The following TBC1D8B variants were observed in gnomAD, a reference collection of about 807,000 sequenced individuals.
TBC1D8B encodes the protein RP11-321G1.1.
In TBC1D8B, 75 loss-of-function variants were observed where a neutral mutation model predicts 82.9. The ratio of observed to expected loss-of-function variants is 0.90; its 90% CI spans 0.75 to 1.10. TBC1D8B has a LOEUF of 1.10. Among genes scored for constraint, TBC1D8B ranks in the 50% least tolerant of loss-of-function variants. The pLI, the probability that TBC1D8B is intolerant of heterozygous loss-of-function variation, is 0.00. For synonymous variants in TBC1D8B, 276 were observed against 276.8 expected (o/e 1.00, Z 0.03); for missense variants, 794 against 796.9 (o/e 1.00, Z 0.04).
intron 14 of TBC1D8B, among the ~76,000 whole-genome samples, chrX:106,863,092 G>T (rs763316928): frequency 3.6e-4 from 40 of 111,843 alleles, no homozygotes; most frequent in Admixed American, 3.4e-3. Context: ...ATGCTTGCTC[G>T]TGCATGCCAG....
chrX:106,822,229 G>T (rs1931716564), intron 4 of TBC1D8B, 27 bp downstream of exon 4: 1 of 1,121,107 alleles, frequency 8.9e-7, no homozygotes, highest in East Asian at 3.0e-5. Flanking sequence ...GCTTACTATG[G>T]CCTTGAATTT....
chrX:106,820,927 A>AT lies in TBC1D8B; in HGVS notation c.294dup (p.Met99TyrfsTer8). The AT allele has an allele frequency of 8.4e-7, 1 of 1,191,963 alleles. No homozygotes were observed. The highest frequency in any genetic ancestry group is 1.1e-6 in the Non-Finnish European group (1 of 886,325). On this transcript the variant is annotated frameshift_variant, in exon 3 of 21. Transcript: ENST00000357242. LOFTEE classifies it high-confidence loss of function. ...GCATTGGGATTGGTTGGAACAAAATATTATGAAGACCTTATCTGTATTTGA... is the reference window on the plus strand; with the variant it reads ...GCATTGGGATTGGTTGGAACAAAATATTTATGAAGACCTTATCTGTATTTGA...
At chrX:106,870,254 C>A (rs1343120409) in intron 19 of TBC1D8B, among the ~76,000 whole-genome samples, 1 of 112,154 alleles carries the variant, frequency 8.9e-6, no homozygotes, top group Non-Finnish European at 1.9e-5. Flanking sequence ...TGATCTCGAA[C>A]TCCTGGCCTC....
At chrX:106,845,888 A>G (rs1932431678) in intron 10 of TBC1D8B, among the ~76,000 whole-genome samples, 1 of 110,338 alleles carries the variant, frequency 9.1e-6, no homozygotes, top group Non-Finnish European at 1.9e-5. Flanking sequence ...TGTTTACACC[A>G]GAGGAGCTCT....
intron 14 of TBC1D8B, among the ~76,000 whole-genome samples, chrX:106,857,119 T>C (rs1264334268): frequency 9.0e-6 from 1 of 111,683 alleles, no homozygotes; most frequent in Non-Finnish European, 1.9e-5. Flanking sequence ...CAGAGAATTA[T>C]TGAATAATAG....
At chrX:106,839,485 G>C in intron 8 of TBC1D8B, 28 bp downstream of exon 8, 2 of 1,095,865 alleles carry the variant, frequency 1.8e-6, no homozygotes, top group Non-Finnish European at 2.4e-6. Flanking sequence ...TTAAACCTAT[G>C]GGCTGAAACA....
At chrX:106,804,852 G>A (rs1174776125) in intron 1 of TBC1D8B, among the ~76,000 whole-genome samples, 4 of 109,652 alleles carry the variant, frequency 3.6e-5, no homozygotes, top group Non-Finnish European at 5.7e-5. Flanking sequence ...TAGGGCCACT[G>A]CACTCCAGCC....
chrX:106,865,564 T>G lies in TBC1D8B; in HGVS notation c.2358T>G (p.Arg786=). The G allele has an allele frequency of 8.4e-7, 1 of 1,197,090 alleles. No homozygotes were observed. Among genetic ancestry groups the G allele is most frequent in the Non-Finnish European group, 1.1e-6 (1 of 887,667 alleles). Reference sequence around the variant, plus strand: ...TGCTTTTAATCTTTTTAAAGTTGCGTGTTGTATCACAAGATGTGAAATTGA... The same window carrying G: ...TGCTTTTAATCTTTTTAAAGTTGCGGGTTGTATCACAAGATGTGAAATTGA... ...LEETTKQNVL[R]VVSQDVKLSL... is the part of the protein sequence containing the mutation. The change falls in exon 15 of 21, where the codon CGT becomes CGG. Residue 786 remains arginine, a synonymous_variant. Coordinates refer to ENST00000357242, the MANE Select transcript of TBC1D8B (RefSeq NM_017752.3).
In TBC1D8B at chrX:106,826,135, C is replaced by T; in HGVS notation, c.933C>T (p.Phe311=). 8.3e-7 allele frequency: 1 copy of T among 1,210,219 alleles called. No individual in the cohort carries two copies. Among genetic ancestry groups the T allele is most frequent in the Non-Finnish European group, 1.1e-6 (1 of 894,556 alleles). Residue 311 remains phenylalanine (F), a synonymous_variant, in exon 6 of 21, where the codon TTC becomes TTT. Transcript: ENST00000357242. The part of the protein sequence containing the change: ...EVHECFLWVP[F]SHFNTHGKMC... ...ATGAATGTTTCTTATGGGTACCATT[C>T]AGCCACTTCAATACTCATGGGAAAA...
intron 1 of TBC1D8B, chrX:106,815,563 G>T (rs1931518300): frequency 9.1e-6 from 1 of 110,384 alleles, no homozygotes; most frequent in South Asian, 3.9e-4. Flanking sequence ...CTTTAAAGTA[G>T]TTTTTTCCAA....
In TBC1D8B at chrX:106,868,411, C is replaced by G. The variant is rs756080874; in HGVS notation, c.2747C>G (p.Ser916Cys). The G allele has an allele frequency of 1.0e-6, 1 of 1,002,761 alleles. No individual in the cohort carries two copies. Among genetic ancestry groups the G allele is most frequent in the South Asian group, 4.4e-5 (1 of 22,955 alleles). The allele number at this position is 1,002,761 out of a possible 1,213,427, so 82.6% of individuals were successfully genotyped here. The change falls in exon 18 of 21, where the codon TCT becomes TGT. Residue 916 changes from serine to cysteine, a missense_variant. Physicochemically the swap from Ser to Cys is moderately radical, Grantham distance 112 (BLOSUM62 -1). Transcript: ENST00000357242. ...HIPPAYTEVK[S>C]KDASKGDELS... ...TTTTCAGCTTACACTGAAGTGAAAT[C>G]TAAGGATGCTTCAAAAGGAGATGAA...
At chrX:106,815,573 A>G (rs749435681) in intron 1 of TBC1D8B, 2 of 110,403 alleles carry the variant, frequency 1.8e-5, no homozygotes, top group African/African-American at 3.3e-5. Context: ...GTTTTTTCCA[A>G]TTCTGTGAAG....
chrX:106,858,308 T>C (rs1932736551), intron 14 of TBC1D8B, among the ~76,000 whole-genome samples: 1 of 111,933 alleles, frequency 8.9e-6, no homozygotes, highest in African/African-American at 3.2e-5. Context: ...AGTCTTGCTG[T>C]GTCACCCAGG....
intron 10 of TBC1D8B, among the ~76,000 whole-genome samples, chrX:106,845,174 CT>C (rs947190161): frequency 3.7e-5 from 4 of 108,345 alleles, no homozygotes; most frequent in East Asian, 2.9e-4. Context: ...CGTTCTTGCT[CT>C]TTTTTTTTGG....
chrX:106,819,820 T>C (rs1931648422), intron 2 of TBC1D8B, among the ~76,000 whole-genome samples: 1 of 110,842 alleles, frequency 9.0e-6, no homozygotes, highest in African/African-American at 3.3e-5. Context: ...GCCTTTCTAC[T>C]TAAATAAAGA....
intron 4 of TBC1D8B, among the ~76,000 whole-genome samples, chrX:106,822,957 G>A (rs1280822039): frequency 2.7e-5 from 3 of 111,053 alleles, no homozygotes; most frequent in African/African-American, 9.8e-5. Flanking sequence ...GCTGTAATGA[G>A]CCATGATCAT....
chrX:106,831,989 A>G (rs1470824031), intron 7 of TBC1D8B, among the ~76,000 whole-genome samples: 1 of 111,589 alleles, frequency 9.0e-6, no homozygotes, highest in Non-Finnish European at 1.9e-5. Context: ...TTTTTAAACA[A>G]GAGCTAGTTC....
intron 10 of TBC1D8B, among the ~76,000 whole-genome samples, chrX:106,843,734 G>GAAAAAAAAAAGGC (rs1556355306): frequency 8.5e-4 from 88 of 103,343 alleles, no homozygotes; most frequent in African/African-American, 3.0e-3. Flanking sequence ...CTGCAAACAA[G>GAAAAAAAAAAGGC]AAAAAAAAAA....
At chrX:106,829,342 C>G (rs1378499500) in intron 7 of TBC1D8B, 1 of 105,088 alleles carries the variant, frequency 9.5e-6, no homozygotes, top group Non-Finnish European at 1.9e-5. Context: ...TAGGAAGAAT[C>G]AATATCGTGA....
Sources: allele counts gnomAD v4.1 joint callset (sites outside exome capture counted in the v4.1 genomes callset), GRCh38; gene constraint gnomAD v4.1.1; transcripts MANE v1.5; gene names NCBI Gene and HGNC (gene_info 2026-07-23, HGNC 2026-07-21).